Variants in XKR6 observed in about 807,000 individuals in gnomAD.
XKR6 encodes XK-related protein 6.
XKR6 carries 22 observed loss-of-function variants against 56.7 expected under a neutral mutation model. The observed-to-expected ratio is 0.39, with a 90% CI of 0.28 to 0.55. The LOEUF is 0.55. Among genes scored for constraint, XKR6 ranks in the 20% least tolerant of loss-of-function variants. The pLI is 0.66. For missense variants in XKR6, 852 were observed against 889.0 expected, an observed-to-expected ratio of 0.96 and a Z score of 0.53; for synonymous variants, 524 against 387.8, an observed-to-expected ratio of 1.35 and a Z score of -4.13.
intron 1 of XKR6, among the ~76,000 whole-genome samples, chr8:10,951,309 GGC>G (rs1491309719): frequency 0.026 from 3,913 of 148,924 alleles, 68 homozygotes; most frequent in Middle Eastern, 0.042. Context: ...GGGGGGGGGG[GGC>G]CCCCACAGTG....
chr8:11,130,380 C>A lies in XKR6; in HGVS notation c.764+70196G>T, dbSNP rs182436960. ...TTATCGCCATATCTACACTAAGCCA[C>A]GTAGTAGTCTGGTTGGTCTTGAAAG... On this transcript the variant is annotated intron_variant, in intron 1 of 2. Transcript: ENST00000416569. Among the ~76,000 whole-genome samples, 10 of 152,220 alleles carry A rather than the reference C, an allele frequency of 6.6e-5. No individual in the cohort carries two copies. In the East Asian group the frequency reaches 1.9e-3, roughly 29 times the overall value.
At chr8:10,927,104 C>G (rs189779206) in intron 1 of XKR6, among the ~76,000 whole-genome samples, 2 of 152,278 alleles carry the variant, frequency 1.3e-5, no homozygotes, top group Admixed American at 1.3e-4. Flanking sequence ...AGCGAGGTTC[C>G]TGGAAGCAGA....
intron 1 of XKR6, among the ~76,000 whole-genome samples, chr8:11,053,121 T>C (rs1799597405): frequency 1.3e-5 from 2 of 152,220 alleles, no homozygotes; most frequent in Admixed American, 1.3e-4. Context: ...GGCTTCCTTC[T>C]GAGCCCCGCA....
chr8:11,005,912 C>G (rs565427877), intron 1 of XKR6, among the ~76,000 whole-genome samples: 1 of 141,414 alleles, frequency 7.1e-6, no homozygotes. Context: ...GGCACATTCT[C>G]AGCTCACTGC....
chr8:10,923,437 G>C (rs576003068), intron 2 of XKR6, among the ~76,000 whole-genome samples: 17 of 152,216 alleles, frequency 1.1e-4, no homozygotes, highest in South Asian at 2.1e-4. Context: ...GGACAGGCGA[G>C]CCTGTCAGCA....
At chr8:11,101,782 T>G (rs1178376476) in intron 1 of XKR6, among the ~76,000 whole-genome samples, 3 of 152,186 alleles carry the variant, frequency 2.0e-5, no homozygotes, top group African/African-American at 7.2e-5. Flanking sequence ...TCACCATTCC[T>G]CATGCTGTTT....
intron 1 of XKR6, among the ~76,000 whole-genome samples, chr8:11,188,765 G>A (rs944100909): frequency 1.3e-5 from 2 of 152,164 alleles, no homozygotes; most frequent in East Asian, 3.8e-4. Flanking sequence ...ACGAGCAGAG[G>A]ATCTAACCCT....
At chr8:11,005,216 A>T (rs1586421240) in intron 1 of XKR6, among the ~76,000 whole-genome samples, 1 of 152,088 alleles carries the variant, frequency 6.6e-6, no homozygotes, top group Non-Finnish European at 1.5e-5. Flanking sequence ...GCAAGATTTC[A>T]TCATGCTGCT....
chr8:11,053,391 C>A (rs896763662), intron 1 of XKR6, among the ~76,000 whole-genome samples: 2 of 152,236 alleles, frequency 1.3e-5, no homozygotes, highest in African/African-American at 2.4e-5. Context: ...ACCCATCAAC[C>A]ACAGCAGAGA....
intron 1 of XKR6, among the ~76,000 whole-genome samples, chr8:11,063,327 A>C (rs1799888150): frequency 6.6e-6 from 1 of 152,032 alleles, no homozygotes; most frequent in African/African-American, 2.4e-5. Flanking sequence ...AAGTAAAAAA[A>C]AAAAAATCCC....
At chr8:11,172,996 T>C (rs1802454360) in intron 1 of XKR6, among the ~76,000 whole-genome samples, 1 of 152,140 alleles carries the variant, frequency 6.6e-6, no homozygotes, top group Non-Finnish European at 1.5e-5. Flanking sequence ...AGATCTATAA[T>C]TTCCATTTAC....
chr8:10,987,084 TA>T (rs34813532), intron 1 of XKR6, among the ~76,000 whole-genome samples: 11,397 of 152,276 alleles, frequency 0.075, 1,423 homozygotes, highest in African/African-American at 0.26. Flanking sequence ...AAAGGGCATG[TA>T]ACTCCTTAGC....
intron 1 of XKR6, among the ~76,000 whole-genome samples, chr8:11,010,079 T>A (rs1798465313): frequency 6.6e-6 from 1 of 152,212 alleles, no homozygotes; most frequent in Admixed American, 6.5e-5. Context: ...GAAGCAAGGC[T>A]GAGGAGCCCT....
intron 1 of XKR6, among the ~76,000 whole-genome samples, chr8:10,968,172 C>T (rs149848336): frequency 2.0e-5 from 3 of 152,266 alleles, no homozygotes; most frequent in East Asian, 1.9e-4. Flanking sequence ...GCCTTGCATC[C>T]GGTCTGTGCT....
At chr8:11,031,328 G>T (rs1256085013) in intron 1 of XKR6, among the ~76,000 whole-genome samples, 4 of 152,226 alleles carry the variant, frequency 2.6e-5, no homozygotes, top group Non-Finnish European at 5.9e-5. Context: ...CCTTGCCTTG[G>T]GTCTCCTGAG....
At chr8:11,005,230 C>G (rs1410151342) in intron 1 of XKR6, among the ~76,000 whole-genome samples, 4 of 152,092 alleles carry the variant, frequency 2.6e-5, no homozygotes, top group Non-Finnish European at 5.9e-5. Flanking sequence ...TGCTGCTCAA[C>G]ATGGCACACA....
At chr8:11,128,345 A>G (rs189318922) in intron 1 of XKR6, among the ~76,000 whole-genome samples, 134 of 152,256 alleles carry the variant, frequency 8.8e-4, no homozygotes, top group Admixed American at 5.9e-4. Flanking sequence ...AAGTCATTCA[A>G]TCTCAGGGCT....
intron 1 of XKR6, among the ~76,000 whole-genome samples, chr8:11,127,831 C>T (rs1799894914): frequency 6.6e-6 from 1 of 152,150 alleles, no homozygotes; most frequent in Non-Finnish European, 1.5e-5. Context: ...TGTGTCTACC[C>T]CAGGGCTATT....
At chr8:11,181,237 G>A (rs1441828922) in intron 1 of XKR6, among the ~76,000 whole-genome samples, 1 of 152,194 alleles carries the variant, frequency 6.6e-6, no homozygotes, top group Non-Finnish European at 1.5e-5. Context: ...GAAGAGTGGT[G>A]AACGTTTTTC....
Sources: gnomAD v4.1 joint callset for allele counts (sites outside exome capture counted in the v4.1 genomes callset) on GRCh38, gnomAD v4.1.1 for gene constraint, MANE v1.5 for transcripts, NCBI Gene and HGNC (gene_info 2026-07-23, HGNC 2026-07-21) for gene names.